The following CFAP77 variants were observed in gnomAD, a reference collection of about 807,000 sequenced individuals.
CFAP77 encodes the protein cilia and flagella associated protein 77, also known as cilia- and flagella-associated protein 77.
In CFAP77, 25 loss-of-function variants were observed where a neutral mutation model predicts 31.1. That is an observed-to-expected ratio of 0.80 (90% CI 0.59 to 1.12). CFAP77 has a LOEUF of 1.12. Ranked by LOEUF, CFAP77 falls within the 50% of genes most tolerant of loss-of-function variation. The pLI, the probability that CFAP77 is intolerant of heterozygous loss-of-function variation, is 0.00. For missense variants in CFAP77, 377 were observed against 397.3 expected (o/e 0.95, Z 0.44); for synonymous variants, 151 against 159.9 (o/e 0.94, Z 0.42).
chr9:132,427,446 C>T (rs953618948), intron 1 of CFAP77, among the ~76,000 whole-genome samples: 2 of 152,138 alleles, frequency 1.3e-5, no homozygotes, highest in African/African-American at 4.8e-5. Context: ...TAACGAATGA[C>T]CACACATCAA....
At chr9:132,415,087 C>T (rs1483453144) in intron 1 of CFAP77, among the ~76,000 whole-genome samples, 2 of 144,902 alleles carry the variant, frequency 1.4e-5, no homozygotes, top group African/African-American at 5.8e-5. Context: ...GAGAATATAC[C>T]CCTGATTGCT....
At chr9:132,548,125 A>G (rs1282870843) in intron 5 of CFAP77, among the ~76,000 whole-genome samples, 2 of 152,040 alleles carry the variant, frequency 1.3e-5, no homozygotes, top group South Asian at 4.2e-4. Flanking sequence ...GTACTTATTG[A>G]CACTTTAATA....
intron 1 of CFAP77, among the ~76,000 whole-genome samples, chr9:132,484,095 C>G (rs901393526): frequency 2.0e-5 from 3 of 152,028 alleles, no homozygotes; most frequent in Non-Finnish European, 2.9e-5. Context: ...CACCACCACA[C>G]CCGGCTAATT....
At chr9:132,486,598 A>C (rs1333461764) in intron 1 of CFAP77, among the ~76,000 whole-genome samples, 2 of 152,082 alleles carry the variant, frequency 1.3e-5, no homozygotes, top group Non-Finnish European at 2.9e-5. Context: ...GTTCCTTCCA[A>C]CCTCTCACGT....
In CFAP77 at chr9:132,481,926, A is replaced by G. The variant is rs1202676136; in HGVS notation, c.196-16769A>G. Among the ~76,000 whole-genome samples, 1 of 138,346 alleles carries G rather than the reference A, an allele frequency of 7.2e-6. No individual in the cohort carries two copies. 90.8% of individuals were successfully genotyped at this position (138,346 alleles called of 152,430 possible). A position where few individuals can be genotyped will look rare whatever the true frequency, so the allele number is the denominator to read the frequency against. Reference sequence around the variant, plus strand: ...AAAAGTCACTGGAGCGGGCGTTTTCATCTGTTCTCAGGAAGGAACAAGGGT... The same window carrying G: ...AAAAGTCACTGGAGCGGGCGTTTTCGTCTGTTCTCAGGAAGGAACAAGGGT... On this transcript the variant is annotated intron_variant, in intron 1 of 5. Coordinates refer to ENST00000393216, the MANE Select transcript of CFAP77 (RefSeq NM_001282957.2). The surrounding 1 kb of genome is among the most constrained non-coding windows in gnomAD (Gnocchi z 5.0).
chr9:132,466,531 G>A (rs1045780698), intron 1 of CFAP77, among the ~76,000 whole-genome samples: 2 of 152,140 alleles, frequency 1.3e-5, no homozygotes, highest in African/African-American at 4.8e-5. Context: ...GCACTATGTC[G>A]GCAGTTGGTA....
chr9:132,448,556 A>G (rs1850767062), intron 1 of CFAP77, among the ~76,000 whole-genome samples: 1 of 152,060 alleles, frequency 6.6e-6, no homozygotes, highest in African/African-American at 2.4e-5. Context: ...ATGCTCCCCA[A>G]ATGAAGCCTC....
intron 5 of CFAP77, among the ~76,000 whole-genome samples, chr9:132,548,292 A>T (rs1169029158): frequency 2.6e-5 from 4 of 151,028 alleles, no homozygotes; most frequent in Non-Finnish European, 5.9e-5. Flanking sequence ...TGGGGGGTGA[A>T]GCTGATTTTC....
At chr9:132,532,896 AC>A (rs1327688308) in intron 3 of CFAP77, among the ~76,000 whole-genome samples, 1 of 152,198 alleles carries the variant, frequency 6.6e-6, no homozygotes, top group Non-Finnish European at 1.5e-5. Context: ...CAAAAAATAA[AC>A]AAAAAATTAG....
intron 3 of CFAP77, among the ~76,000 whole-genome samples, chr9:132,530,136 C>CTTTTTTTT (rs750962954): frequency 2.8e-3 from 263 of 93,226 alleles, no homozygotes; most frequent in Middle Eastern, 9.1e-3. Flanking sequence ...TCTTTCTTTT[C>CTTTTTTTT]TTTTTTTTTT....
intron 1 of CFAP77, among the ~76,000 whole-genome samples, chr9:132,457,043 C>A (rs1850929507): frequency 1.3e-5 from 2 of 152,184 alleles, no homozygotes. Flanking sequence ...CCAGGCAGAT[C>A]TTTAAAAAGA....
rs887942470 is a variant in CFAP77 at position 132,499,045 on chromosome 9, G to A, written c.295+251G>A. ...CCCCGCACCGCCCCCCTTCCCCGCCGCCGGCAGGGACTGTGTGCACTATGC... is the reference window on the plus strand; with the variant it reads ...CCCCGCACCGCCCCCCTTCCCCGCCACCGGCAGGGACTGTGTGCACTATGC... On this transcript the variant is annotated intron_variant, in intron 2 of 5. Transcript: ENST00000393216. The surrounding 1 kb of genome is among the most constrained non-coding windows in gnomAD (Gnocchi z 5.4). 2.0e-5 allele frequency among the ~76,000 whole-genome samples: 3 copies of A among 152,062 alleles called. No homozygotes were observed. Among genetic ancestry groups the A allele is most frequent in the South Asian group, 2.1e-4 (1 of 4,826 alleles).
rs150386114 is a variant in CFAP77 at position 132,532,328 on chromosome 9, C to T, written c.525-5273C>T. Among the ~76,000 whole-genome samples, 1,069 of 152,352 alleles carry T rather than the reference C, an allele frequency of 7.0e-3. 7 individuals carry two copies. Among genetic ancestry groups the T allele is most frequent in the Non-Finnish European group, 0.01 (700 of 68,028 alleles). On this transcript the variant is annotated intron_variant, in intron 3 of 5. Transcript: ENST00000393216. Reference sequence around the variant, plus strand: ...GGGTCTGGTTTAGCTCTGCAGCTGTCTCTGGGCCATAAGCTGAAACACGTG... The same window carrying T: ...GGGTCTGGTTTAGCTCTGCAGCTGTTTCTGGGCCATAAGCTGAAACACGTG...
intron 1 of CFAP77, among the ~76,000 whole-genome samples, chr9:132,477,512 C>A (rs557316421): frequency 1.3e-5 from 2 of 152,302 alleles, no homozygotes; most frequent in African/African-American, 4.8e-5. Flanking sequence ...GGGTGCAGTT[C>A]CCAGTGGGAG....
rs561456732 is a variant in CFAP77 at position 132,482,540 on chromosome 9, G to C, written c.196-16155G>C. The C allele has an allele frequency of 1.1e-5, 8 of 710,054 alleles. No homozygotes were observed. The South Asian group carries it at 1.3e-4, about 11-fold the overall frequency. 44.0% of individuals were successfully genotyped at this position (710,054 alleles called of 1,614,324 possible). A position where few individuals can be genotyped will look rare whatever the true frequency, so the allele number is the denominator to read the frequency against. On this transcript the variant is annotated intron_variant, in intron 1 of 5. Transcript: ENST00000393216. ...CGTGGCGCTTCACCTCCATGGTCTC[G>C]TCTAAATGTTGTCATTACGCCATGG...
At chr9:132,493,841 TC>T (rs1851691708) in intron 1 of CFAP77, among the ~76,000 whole-genome samples, 1 of 151,862 alleles carries the variant, frequency 6.6e-6, no homozygotes, top group African/African-American at 2.4e-5. Flanking sequence ...TTTTTTTCTT[TC>T]CTTTCTTTTC....
intron 3 of CFAP77, among the ~76,000 whole-genome samples, chr9:132,528,537 A>G (rs1203082882): frequency 6.8e-6 from 1 of 147,552 alleles, no homozygotes; most frequent in Non-Finnish European, 1.5e-5. Context: ...GCTTCTGCAC[A>G]GCAAAAGAAA....
chr9:132,539,656 C>T lies in CFAP77; in HGVS notation c.630+1950C>T, dbSNP rs73659080. ...CTCAGGAGGGGCCAGGAGGGGTGCA[C>T]GAAGTGGGAGGCTGAGGATTTCCAG... On this transcript the variant is annotated intron_variant, in intron 4 of 5. Coordinates refer to ENST00000393216, the MANE Select transcript of CFAP77 (RefSeq NM_001282957.2). This position sits in a 1 kb window ranked among gnomAD's most constrained non-coding sequence, Gnocchi z 4.3. 0.046 allele frequency among the ~76,000 whole-genome samples: 7,017 copies of T among 152,172 alleles called. 520 individuals carry two copies. Among genetic ancestry groups the T allele is most frequent in the African/African-American group, 0.16 (6,709 of 41,478 alleles).
chr9:132,552,072 G>A lies in CFAP77; in HGVS notation c.732+9025G>A, dbSNP rs149212997. ...AAAAAGGAAAGAGGCGGCTGATCCC[G>A]GATTCAGGCTTACTGCGTTAAAAGT... On this transcript the variant is annotated intron_variant, in intron 5 of 5. Transcript: ENST00000393216. This position sits in a 1 kb window ranked among gnomAD's most constrained non-coding sequence, Gnocchi z 5.5. 6.6e-6 allele frequency among the ~76,000 whole-genome samples: 1 copy of A among 152,238 alleles called. No homozygotes were observed. The highest frequency in any genetic ancestry group is 1.5e-5 in the Non-Finnish European group (1 of 68,048).
Sources: allele counts gnomAD v4.1 joint callset (sites outside exome capture counted in the v4.1 genomes callset), GRCh38; gene constraint gnomAD v4.1.1; non-coding constraint Gnocchi (gnomAD v3.1); transcripts MANE v1.5; gene names NCBI Gene and HGNC (gene_info 2026-07-23, HGNC 2026-07-21).